FGF14: variants seen among roughly 807,000 people sequenced by gnomAD.
FGF14 encodes the protein fibroblast growth factor homologous factor 4.
Under a neutral mutation model 25.5 loss-of-function variants are expected in FGF14, and 5 were observed. That is an observed-to-expected ratio of 0.20 (90% CI 0.10 to 0.41). The LOEUF (loss-of-function observed/expected upper bound fraction) is 0.41. Among genes scored for constraint, FGF14 ranks in the 10% least tolerant of loss-of-function variants. The pLI, the probability that FGF14 is intolerant of heterozygous loss-of-function variation, is 1.00. For missense variants in FGF14, 222 were observed against 320.1 expected, an observed-to-expected ratio of 0.69 and a Z score of 2.34; for synonymous variants, 138 against 118.3, an observed-to-expected ratio of 1.17 and a Z score of -1.08.
At chr13:102,236,455 T>G (rs2051331637) in intron 1 of FGF14, among the ~76,000 whole-genome samples, 2 of 152,160 alleles carry the variant, frequency 1.3e-5, no homozygotes, top group African/African-American at 4.8e-5. Flanking sequence ...TTTGACAGAC[T>G]GAGAACTCTC....
chr13:101,980,172 A>G, intron 1 of FGF14, among the ~76,000 whole-genome samples: 1 of 152,340 alleles, frequency 6.6e-6, no homozygotes, highest in East Asian at 1.9e-4. Flanking sequence ...TAAACAGATA[A>G]ATGTGCAATG....
At chr13:102,168,144 T>C (rs1303193542) in intron 1 of FGF14, among the ~76,000 whole-genome samples, 1 of 152,196 alleles carries the variant, frequency 6.6e-6, no homozygotes, top group Admixed American at 6.6e-5. Flanking sequence ...TGAAAATTTA[T>C]GTTTGCATAG....
chr13:101,870,638 C>T (rs1298289300), intron 2 of FGF14, among the ~76,000 whole-genome samples: 1 of 152,034 alleles, frequency 6.6e-6, no homozygotes, highest in East Asian at 1.9e-4. Flanking sequence ...TAGTGTTTTT[C>T]CCTTGTGTTT....
chr13:101,774,559 C>G (rs941901317), intron 3 of FGF14, among the ~76,000 whole-genome samples: 1 of 152,132 alleles, frequency 6.6e-6, no homozygotes, highest in African/African-American at 2.4e-5. Context: ...CTGCCTACCA[C>G]AACCCCTACA....
intron 1 of FGF14, among the ~76,000 whole-genome samples, chr13:102,145,855 G>A (rs1380959901): frequency 6.6e-6 from 1 of 152,146 alleles, no homozygotes; most frequent in African/African-American, 2.4e-5. Flanking sequence ...TTATTTGAGT[G>A]CAAGAGATAT....
chr13:102,232,290 G>T (rs1222678765), intron 1 of FGF14, among the ~76,000 whole-genome samples: 4 of 82,408 alleles, frequency 4.9e-5, no homozygotes, highest in Non-Finnish European at 8.5e-5. Context: ...CTGAAGAAAA[G>T]AATAAAACTA....
intron 2 of FGF14, among the ~76,000 whole-genome samples, chr13:101,874,292 A>G (rs2045276967): frequency 6.6e-6 from 1 of 152,134 alleles, no homozygotes; most frequent in Admixed American, 6.6e-5. Flanking sequence ...TTTTCATGGA[A>G]TGATGTTTAT....
chr13:102,329,163 T>C (rs573538682), intron 1 of FGF14, among the ~76,000 whole-genome samples: 1 of 152,260 alleles, frequency 6.6e-6, no homozygotes, highest in South Asian at 2.1e-4. Context: ...TGAGCTTACA[T>C]CAAAGCTCAT....
chr13:102,192,706 A>G (rs2140833871), intron 1 of FGF14, among the ~76,000 whole-genome samples: 1 of 152,294 alleles, frequency 6.6e-6, no homozygotes, highest in South Asian at 2.1e-4. Flanking sequence ...TCAATTTCAC[A>G]AAACACTAGA....
At chr13:102,399,547 G>A (rs1336666) in intron 1 of FGF14, among the ~76,000 whole-genome samples, 24,006 of 152,188 alleles carry the variant, frequency 0.16, 2,033 homozygotes, top group East Asian at 0.29. Flanking sequence ...TAGTGTTGCA[G>A]ATGTAAGTTG....
intron 1 of FGF14, among the ~76,000 whole-genome samples, chr13:101,966,928 A>G (rs767842843): frequency 1.4e-4 from 21 of 152,142 alleles, no homozygotes; most frequent in Non-Finnish European, 2.6e-4. Flanking sequence ...AACTTAAAGG[A>G]ATGCCTAAGA....
chr13:102,034,548 C>G (rs1484472510), intron 1 of FGF14, among the ~76,000 whole-genome samples: 4 of 152,102 alleles, frequency 2.6e-5, no homozygotes, highest in African/African-American at 9.7e-5. Flanking sequence ...GAGGCACTAG[C>G]CTTGGGCAAA....
chr13:102,081,827 T>G (rs1566660661), intron 1 of FGF14, among the ~76,000 whole-genome samples: 1 of 152,164 alleles, frequency 6.6e-6, no homozygotes, highest in Non-Finnish European at 1.5e-5. Flanking sequence ...CTATATTAAT[T>G]GAGAACATTA....
chr13:101,866,630 G>A (rs1431146049), intron 3 of FGF14, among the ~76,000 whole-genome samples: 1 of 152,054 alleles, frequency 6.6e-6, no homozygotes, highest in Non-Finnish European at 1.5e-5. Flanking sequence ...GCTATATTGT[G>A]CTCTATATTA....
intron 3 of FGF14, among the ~76,000 whole-genome samples, chr13:101,792,187 G>T (rs907445729): frequency 6.6e-6 from 1 of 152,132 alleles, no homozygotes; most frequent in Non-Finnish European, 1.5e-5. Context: ...AAATTGGCAA[G>T]AGTGGTATAA....
intron 3 of FGF14, among the ~76,000 whole-genome samples, chr13:101,736,386 G>T (rs1027635211): frequency 6.6e-6 from 1 of 152,096 alleles, no homozygotes; most frequent in African/African-American, 2.4e-5. Context: ...AGCAAGTACA[G>T]AAATTATGTG....
intron 1 of FGF14, among the ~76,000 whole-genome samples, chr13:102,277,149 C>G (rs2053588546): frequency 6.6e-6 from 1 of 152,136 alleles, no homozygotes; most frequent in South Asian, 2.1e-4. Context: ...TAAACAGATG[C>G]CAGAGATTGT....
At chr13:102,307,101 T>A (rs1242093191) in intron 1 of FGF14, among the ~76,000 whole-genome samples, 1 of 151,992 alleles carries the variant, frequency 6.6e-6, no homozygotes, top group African/African-American at 2.4e-5. Context: ...CAGCGTGACA[T>A]GAATTCGATG....
chr13:102,268,224 G>A (rs1422383313), intron 1 of FGF14, among the ~76,000 whole-genome samples: 1 of 152,070 alleles, frequency 6.6e-6, no homozygotes, highest in African/African-American at 2.4e-5. Flanking sequence ...CAAGCACATT[G>A]CAGACACTCG....
Sources: gnomAD v4.1 joint callset for allele counts (sites outside exome capture counted in the v4.1 genomes callset) on GRCh38, gnomAD v4.1.1 for gene constraint, MANE v1.5 for transcripts, NCBI Gene and HGNC (gene_info 2026-07-23, HGNC 2026-07-21) for gene names.